ZKSCAN2: variants seen among roughly 807,000 people sequenced by gnomAD.
ZKSCAN2 encodes the protein zinc finger protein with KRAB and SCAN domains 2.
Under a neutral mutation model 90.5 loss-of-function variants are expected in ZKSCAN2, and 38 were observed. The observed-to-expected ratio is 0.42, with a 90% CI of 0.32 to 0.55. ZKSCAN2 has a LOEUF of 0.55. ZKSCAN2 is among the 20% of genes least tolerant of loss of function. The pLI, the probability that ZKSCAN2 is intolerant of heterozygous loss-of-function variation, is 0.11. For synonymous variants in ZKSCAN2, 429 were observed against 421.6 expected (o/e 1.02, Z -0.22); for missense variants, 1,167 against 1,202.6 (o/e 0.97, Z 0.44).
At chr16:25,253,879 A>G (rs866034901) in intron 2 of ZKSCAN2, among the ~76,000 whole-genome samples, 3 of 152,194 alleles carry the variant, frequency 2.0e-5, no homozygotes, top group East Asian at 1.9e-4. Flanking sequence ...ATGATGGCAC[A>G]CGCCTGTAAT....
In ZKSCAN2 at chr16:25,239,144, A is replaced by G. The variant is rs1410692415; in HGVS notation, c.*672T>C. The G allele has an allele frequency of 2.0e-5, 3 of 152,694 alleles. No individual in the cohort carries two copies. The East Asian group carries it at 5.8e-4, about 29-fold the overall frequency. 9.5% of individuals were successfully genotyped at this position (152,694 alleles called of 1,614,324 possible). ...AGCCAGGGGATTTAAGTCTTCGGGT[A>G]CAGAAAAGGATGAGGGGTGATCAAT... On this transcript the variant is annotated 3_prime_UTR_variant, in exon 7 of 7. Transcript: ENST00000328086.
intron 6 of ZKSCAN2, among the ~76,000 whole-genome samples, chr16:25,242,281 A>T (rs1438896617): frequency 6.6e-6 from 1 of 152,196 alleles, no homozygotes; most frequent in Non-Finnish European, 1.5e-5. Context: ...ATAGGTTTGG[A>T]GCTCACTTTA....
rs1317088313 is a variant in ZKSCAN2, at chr16:25,246,944, A to C, written c.1252T>G (p.Phe418Val). Residue 418 changes from phenylalanine (F) to valine (V), a missense_variant, in exon 5 of 7, where the codon TTC becomes GTC. Coordinates refer to ENST00000328086, the MANE Select transcript of ZKSCAN2 (RefSeq NM_001012981.5). ...AACAAAGCATCCATGTCCTCAAAGA[A>C]GGCGCAGGGTTCTAGCATGTGGCCA... ...RNGHMLEPCA[F>V]FEDMDALLNP... The C allele has an allele frequency of 6.2e-7, 1 of 1,614,160 alleles. No individual in the cohort carries two copies. Among genetic ancestry groups the C allele is most frequent in the Non-Finnish European group, 8.5e-7 (1 of 1,180,030 alleles).
chr16:25,248,659 T>C (rs563116870), intron 4 of ZKSCAN2, among the ~76,000 whole-genome samples: 1 of 152,228 alleles, frequency 6.6e-6, no homozygotes, highest in East Asian at 1.9e-4. Context: ...ATAAGAAGTG[T>C]TGGTGAGAAG....
In ZKSCAN2 at chr16:25,237,418, G is replaced by A. The variant is rs1156809234; in HGVS notation, c.*2398C>T. On this transcript the variant is annotated 3_prime_UTR_variant, in exon 7 of 7. Transcript: ENST00000328086. ...CCTCAGCTTGCTCCCAGGCATATGAGAGTTAAACAGAATCAGTTTGTCCCA... is the reference window on the plus strand; with the variant it reads ...CCTCAGCTTGCTCCCAGGCATATGAAAGTTAAACAGAATCAGTTTGTCCCA... The A allele has an allele frequency of 6.6e-6, 1 of 152,188 alleles. No individual in the cohort carries two copies. The highest frequency in any genetic ancestry group is 2.1e-4 in the South Asian group (1 of 4,816). 9.4% of individuals were successfully genotyped at this position (152,188 alleles called of 1,614,324 possible). A position where few individuals can be genotyped will look rare whatever the true frequency, so the allele number is the denominator to read the frequency against.
rs143661348 is a variant in ZKSCAN2, at chr16:25,252,010, G to T, written c.704C>A (p.Ala235Asp). Reference sequence around the variant, plus strand: ...ACTCTTTCTGTAGGAAAAGCCTCTGGCCACGTGGACATCTTTCACTGGTTC... The same window carrying T: ...ACTCTTTCTGTAGGAAAAGCCTCTGTCCACGTGGACATCTTTCACTGGTTC... ...SQEPVKDVHV[A>D]RGFSYRKSVH... The change falls in exon 4 of 7, where the codon GCC (alanine) becomes GAC (aspartate). Residue 235 changes from alanine to aspartate, a missense_variant. Transcript: ENST00000328086. 8 of 1,613,986 alleles carry T rather than the reference G, an allele frequency of 5.0e-6. No homozygotes were observed. In the African/African-American group the frequency reaches 1.1e-4, roughly 22 times the overall value.
chr16:25,243,704 C>T, intron 6 of ZKSCAN2, 81 bp downstream of exon 6: 1 of 1,447,512 alleles, frequency 6.9e-7, no homozygotes, highest in African/African-American at 1.4e-5. Flanking sequence ...TATTCATGAG[C>T]TATGTGCAAG....
In ZKSCAN2 at chr16:25,239,989, C is replaced by T; in HGVS notation, c.2731G>A (p.Gly911Arg). 1 of 1,614,030 alleles carries T rather than the reference C, an allele frequency of 6.2e-7. No individual in the cohort carries two copies. Among genetic ancestry groups the T allele is most frequent in the Non-Finnish European group, 8.5e-7 (1 of 1,179,988 alleles). ...RFREHRRIHTGEKPYGCAQCG... is the reference protein window; with the variant it reads ...RFREHRRIHTREKPYGCAQCG... ...TGGGCACATCCATAGGGCTTCTCTCCAGTGTGTATTCTCCGATGTTCTCGA... is the reference window on the plus strand; with the variant it reads ...TGGGCACATCCATAGGGCTTCTCTCTAGTGTGTATTCTCCGATGTTCTCGA... The change falls in exon 7 of 7, where the codon GGA (glycine) becomes AGA (arginine). Residue 911 changes from glycine (G) to arginine (R), a missense_variant. Coordinates refer to ENST00000328086, the MANE Select transcript of ZKSCAN2 (RefSeq NM_001012981.5).
In ZKSCAN2 at chr16:25,247,268, A is replaced by T; in HGVS notation, c.928T>A (p.Ser310Thr). 6.2e-7 allele frequency: 1 copy of T among 1,614,152 alleles called. No individual in the cohort carries two copies. The highest frequency in any genetic ancestry group is 8.5e-7 in the Non-Finnish European group (1 of 1,180,032). The change falls in exon 5 of 7, where the codon TCA becomes ACA. Residue 310 changes from serine to threonine, a missense_variant. Transcript: ENST00000328086. ...ILRSNYVKEK[S>T]VHAIQVPARS... ...GCAGGGACCTGAATAGCATGAACTG[A>T]CTTTTCCTTGACGTAGTTGCTTCGT...
At chr16:25,253,908 T>C (rs1963057794) in intron 2 of ZKSCAN2, among the ~76,000 whole-genome samples, 1 of 152,202 alleles carries the variant, frequency 6.6e-6, no homozygotes, top group Admixed American at 6.5e-5. Context: ...CTCGAGAGAC[T>C]GAGGCACGAG....
chr16:25,251,988 C>G lies in ZKSCAN2; in HGVS notation c.726G>C (p.Lys242Asn). ...VHVARGFSYR[K>N]SVHQIPAQRD... is the part of the protein sequence containing the mutation. ...TTTGGGCAGGAATCTGATGCACACT[C>G]TTTCTGTAGGAAAAGCCTCTGGCCA... Residue 242 changes from lysine (K) to asparagine (N), a missense_variant, in exon 4 of 7, where the codon AAG becomes AAC. Coordinates refer to ENST00000328086, the MANE Select transcript of ZKSCAN2 (RefSeq NM_001012981.5). The G allele has an allele frequency of 6.2e-7, 1 of 1,614,194 alleles. No homozygotes were observed. The highest frequency in any genetic ancestry group is 8.5e-7 in the Non-Finnish European group (1 of 1,180,024).
In ZKSCAN2 at chr16:25,246,960, C is replaced by A. The variant is rs148194807; in HGVS notation, c.1236G>T (p.Met412Ile). 1 of 1,614,064 alleles carries A rather than the reference C, an allele frequency of 6.2e-7. No individual in the cohort carries two copies. Among genetic ancestry groups the A allele is most frequent in the African/African-American group, 1.3e-5 (1 of 74,912 alleles). ...KSYRKVRNGH[M>I]LEPCAFFEDM... ...CCTCAAAGAAGGCGCAGGGTTCTAG[C>A]ATGTGGCCATTTCTCACCTTTCGAT... Residue 412 changes from methionine (M) to isoleucine (I), a missense_variant, in exon 5 of 7, where the codon ATG becomes ATT. Physicochemically the swap from Met to Ile is conservative, Grantham distance 10. Transcript: ENST00000328086.
chr16:25,251,216 G>A (rs1208079903), intron 4 of ZKSCAN2, among the ~76,000 whole-genome samples: 1 of 152,114 alleles, frequency 6.6e-6, no homozygotes, highest in Non-Finnish European at 1.5e-5. Flanking sequence ...TAAGGAGGTT[G>A]AGGGTAGGTG....
chr16:25,244,119 C>T lies in ZKSCAN2; in HGVS notation c.1647G>A (p.Gln549=), dbSNP rs775512245. Residue 549 remains glutamine (Q), a synonymous_variant, in exon 6 of 7, where the codon CAG becomes CAA. Transcript: ENST00000328086. ...RECGFLRTPE[Q]CRTKFKSLQK... Reference sequence around the variant, plus strand: ...GAAGGCTTTTGAACTTGGTTCGGCACTGTTCTGGTGTCCGGAGGAAGCCGC... The same window carrying T: ...GAAGGCTTTTGAACTTGGTTCGGCATTGTTCTGGTGTCCGGAGGAAGCCGC... 1.9e-6 allele frequency: 3 copies of T among 1,614,016 alleles called. No individual in the cohort carries two copies. The South Asian group carries it at 3.3e-5, about 18-fold the overall frequency.
At chr16:25,253,311 T>C (rs931938851) in intron 2 of ZKSCAN2, among the ~76,000 whole-genome samples, 4 of 150,992 alleles carry the variant, frequency 2.6e-5, no homozygotes, top group African/African-American at 9.9e-5. Context: ...GAAAGGGCAC[T>C]GCCAATGCCA....
At position 25,240,244 on chromosome 16, in the gene ZKSCAN2, T is replaced by C. The variant is rs569916415; in HGVS notation, c.2476A>G (p.Thr826Ala). The change falls in exon 7 of 7, where the codon ACA becomes GCA. Residue 826 changes from threonine to alanine, a missense_variant. Thr to Ala is a moderately conservative substitution (Grantham distance 58, BLOSUM62 0). Transcript: ENST00000328086. ...CCGCATCTGTAGGGTTTCTCTCCTGTGTGGATTCTCTGGTGGGCACCAAAA... is the reference window on the plus strand; with the variant it reads ...CCGCATCTGTAGGGTTTCTCTCCTGCGTGGATTCTCTGGTGGGCACCAAAA... The part of the protein sequence containing the change: ...SNFGAHQRIH[T>A]GEKPYRCGEC... The C allele has an allele frequency of 2.9e-5, 47 of 1,614,192 alleles. 3 individuals carry two copies. The South Asian group carries it at 4.7e-4, about 16-fold the overall frequency.
rs376344605 is a variant in ZKSCAN2, at chr16:25,255,410, T to A, written c.400-18A>T. The A allele has an allele frequency of 2.5e-6, 4 of 1,605,136 alleles. No homozygotes were observed. Among genetic ancestry groups the A allele is most frequent in the Non-Finnish European group, 3.4e-6 (4 of 1,179,046 alleles). The stretch of plus-strand genomic sequence containing the variant: ...CTGCTGACCTGAGAAATGAAGTCAA[T>A]ACCATAAGAGGGAGTAAAACAGGCC... On this transcript the variant is annotated intron_variant, in intron 1 of 6. Coordinates refer to ENST00000328086, the MANE Select transcript of ZKSCAN2 (RefSeq NM_001012981.5).
Position 25,256,736 on chromosome 16 carries a change from C to T in ZKSCAN2, c.392G>A (p.Arg131Lys). 1 of 1,611,340 alleles carries T rather than the reference C, an allele frequency of 6.2e-7. No individual in the cohort carries two copies. The highest frequency in any genetic ancestry group is 1.3e-5 in the African/African-American group (1 of 74,848). The stretch of plus-strand genomic sequence containing the variant: ...TGGAAAATCCTCTCTCACCTGCTGT[C>T]TTAGTCTTCCAGTCTCTTTCTCCAA... ...VHLEKETGRL[R>K]QQVSSPVHRE... Residue 131 changes from arginine to lysine, a missense_variant, in exon 1 of 7, where the codon AGA becomes AAA. Arg to Lys is a conservative substitution (Grantham distance 26). Coordinates refer to ENST00000328086, the MANE Select transcript of ZKSCAN2 (RefSeq NM_001012981.5).
At chr16:25,250,222 T>C (rs1167970172) in intron 4 of ZKSCAN2, among the ~76,000 whole-genome samples, 2 of 151,818 alleles carry the variant, frequency 1.3e-5, no homozygotes, top group Non-Finnish European at 2.9e-5. Flanking sequence ...GGCAGGAGAA[T>C]CGCTTGAACC....
Sources: allele counts gnomAD v4.1 joint callset (sites outside exome capture counted in the v4.1 genomes callset), GRCh38; gene constraint gnomAD v4.1.1; transcripts MANE v1.5; gene names NCBI Gene and HGNC (gene_info 2026-07-23, HGNC 2026-07-21).